ZNF407: variants seen among roughly 807,000 people sequenced by gnomAD.
ZNF407 encodes zinc finger protein 407.
In ZNF407, 17 loss-of-function variants were observed where a neutral mutation model predicts 131.2. That is an observed-to-expected ratio of 0.13 (90% confidence interval 0.09 to 0.19). The LOEUF is 0.19. Ranked by LOEUF, ZNF407 falls within the 10% of genes least tolerant of loss-of-function variation. The pLI, the probability that ZNF407 is intolerant of heterozygous loss-of-function variation, is 1.00. For synonymous variants in ZNF407, 1,156 were observed against 1,062.0 expected (o/e 1.09, Z -1.72); for missense variants, 2,681 against 2,830.6 (o/e 0.95, Z 1.20).
At position 74,634,966 on chromosome 18, in the gene ZNF407, C is replaced by T; in HGVS notation, c.3947C>T (p.Thr1316Ile). 6.2e-7 allele frequency: 1 copy of T among 1,613,926 alleles called. No homozygotes were observed. Among genetic ancestry groups the T allele is most frequent in the African/African-American group, 1.3e-5 (1 of 75,028 alleles). The change falls in exon 2 of 9, where the codon ACA becomes ATA. Residue 1316 changes from threonine to isoleucine, a missense_variant. Physicochemically the swap from Thr to Ile is moderately conservative, Grantham distance 89. Around this residue, in one of 6 missense-constraint regions of ZNF407, gnomAD observed 1,789 missense variants for 1,748.7 expected, o/e 1.02. Transcript: ENST00000299687. ...ATTCTGATGAATTCACAACATGAAACAGAATTTATTTTGGAGGAGGATGGC... is the reference window on the plus strand; with the variant it reads ...ATTCTGATGAATTCACAACATGAAATAGAATTTATTTTGGAGGAGGATGGC... Reference protein sequence around the residue: ...KEILMNSQHETEFILEEDGPA... With the variant: ...KEILMNSQHEIEFILEEDGPA...
rs986088922 is a variant in ZNF407 at position 74,645,880 on chromosome 18, C to T, written c.4802+4758C>T. 2.0e-5 allele frequency among the ~76,000 whole-genome samples: 3 copies of T among 152,242 alleles called. No individual in the cohort carries two copies. In the East Asian group the frequency reaches 5.8e-4, roughly 29 times the overall value. On this transcript the variant is annotated intron_variant, in intron 3 of 8. Coordinates refer to ENST00000299687, the MANE Select transcript of ZNF407 (RefSeq NM_017757.3). ...AACAACACAGTTAGTATTTGAGTTA[C>T]ACTTAATCATTACGTGCATTAGCAA...
Position 74,675,835 on chromosome 18 carries a change from C to G in ZNF407, c.4802+34713C>G, listed in dbSNP as rs114161615. Among the ~76,000 whole-genome samples, 1,203 of 152,292 alleles carry G rather than the reference C, an allele frequency of 7.9e-3. 16 individuals are homozygous for G. Among genetic ancestry groups the G allele is most frequent in the African/African-American group, 0.027 (1,138 of 41,542 alleles). On this transcript the variant is annotated intron_variant, in intron 3 of 8. Transcript: ENST00000299687. ...ATCCCACTCATTTCCCTCCCAGTGA[C>G]TACACCATTGTTATCAAGCATTTAA...
At chr18:74,905,362 A>G (rs1971581758) in intron 7 of ZNF407, 1 of 152,246 alleles carries the variant, frequency 6.6e-6, no homozygotes, top group Admixed American at 6.5e-5. Context: ...CTAGATGTGC[A>G]CAGGTTTCCT....
intron 8 of ZNF407, among the ~76,000 whole-genome samples, chr18:75,044,341 T>TAA (rs576478773): frequency 6.8e-6 from 1 of 147,382 alleles, no homozygotes; most frequent in Middle Eastern, 3.2e-3. Flanking sequence ...TCTTTTTTTT[T>TAA]AAAAAAAAAA....
At chr18:74,684,777 A>G (rs1208189851) in intron 3 of ZNF407, among the ~76,000 whole-genome samples, 2 of 152,198 alleles carry the variant, frequency 1.3e-5, no homozygotes, top group Non-Finnish European at 2.9e-5. Flanking sequence ...GTGAGTTCGA[A>G]CTTTAGTTAT....
At chr18:74,751,381 A>G (rs542535942) in intron 3 of ZNF407, among the ~76,000 whole-genome samples, 62 of 152,006 alleles carry the variant, frequency 4.1e-4, no homozygotes, top group East Asian at 1.9e-4. Context: ...AAATTTATTT[A>G]TTTTATTATA....
intron 4 of ZNF407, among the ~76,000 whole-genome samples, chr18:74,833,456 G>T (rs754884566): frequency 2.0e-5 from 3 of 152,198 alleles, no homozygotes; most frequent in African/African-American, 2.4e-5. Flanking sequence ...CCTCAGTGAG[G>T]CTCCAGCCTT....
intron 1 of ZNF407, among the ~76,000 whole-genome samples, chr18:74,618,487 A>G (rs1041973749): frequency 6.6e-6 from 1 of 152,168 alleles, no homozygotes; most frequent in African/African-American, 2.4e-5. Context: ...GACTGTTAAA[A>G]CAAGTCACCT....
At chr18:74,599,215 A>G (rs1041771452) in intron 1 of ZNF407, among the ~76,000 whole-genome samples, 1 of 152,232 alleles carries the variant, frequency 6.6e-6, no homozygotes, top group African/African-American at 2.4e-5. Flanking sequence ...TGCTATATAC[A>G]AAATTACTGC....
At chr18:74,717,537 T>C (rs1468038262) in intron 3 of ZNF407, among the ~76,000 whole-genome samples, 1 of 152,212 alleles carries the variant, frequency 6.6e-6, no homozygotes, top group Non-Finnish European at 1.5e-5. Flanking sequence ...GAGATCAGTT[T>C]CTTTCGATAG....
At chr18:75,009,442 T>C (rs781714751) in intron 8 of ZNF407, among the ~76,000 whole-genome samples, 16 of 152,214 alleles carry the variant, frequency 1.1e-4, no homozygotes, top group Non-Finnish European at 2.4e-4. Flanking sequence ...CTTCAAATAT[T>C]GGTGCCTCAG....
In ZNF407 at chr18:75,018,388, T is replaced by TA. The variant is rs1876479126; in HGVS notation, c.5429-44758dup. Among the ~76,000 whole-genome samples the TA allele has an allele frequency of 2.0e-5, 3 of 152,124 alleles. No individual in the cohort carries two copies. In the South Asian group the frequency reaches 6.2e-4, roughly 32 times the overall value. On this transcript the variant is annotated intron_variant, in intron 8 of 8. Coordinates refer to ENST00000299687, the MANE Select transcript of ZNF407 (RefSeq NM_017757.3). ...AAATTAAAAACTAAAAAATTAATGA[T>TA]AAAATATGTCATATTAGAACTGATT...
chr18:75,002,755 A>G (rs1271616097), intron 8 of ZNF407, among the ~76,000 whole-genome samples: 1 of 149,762 alleles, frequency 6.7e-6, no homozygotes, highest in Admixed American at 6.7e-5. Flanking sequence ...CAGCGAGCCG[A>G]GATCGCGCCA....
At chr18:75,019,573 G>T (rs1973083038) in intron 8 of ZNF407, among the ~76,000 whole-genome samples, 1 of 152,130 alleles carries the variant, frequency 6.6e-6, no homozygotes, top group South Asian at 2.1e-4. Flanking sequence ...TTCCCACTCA[G>T]GGTGCGAATC....
intron 8 of ZNF407, among the ~76,000 whole-genome samples, chr18:75,030,455 A>G (rs1356433477): frequency 6.6e-6 from 1 of 152,260 alleles, no homozygotes; most frequent in Non-Finnish European, 1.5e-5. Flanking sequence ...GAATTGTTGG[A>G]GAAATGAATT....
At chr18:74,606,222 G>T (rs959951069) in intron 1 of ZNF407, among the ~76,000 whole-genome samples, 1 of 151,946 alleles carries the variant, frequency 6.6e-6, no homozygotes, top group African/African-American at 2.4e-5. Flanking sequence ...AATAAAATTT[G>T]GAAATCTGCT....
intron 3 of ZNF407, among the ~76,000 whole-genome samples, chr18:74,684,149 A>G (rs1967045518): frequency 1.3e-5 from 2 of 152,176 alleles, no homozygotes; most frequent in African/African-American, 2.4e-5. Flanking sequence ...GTTGAGCTCC[A>G]CAGATTAACA....
chr18:74,884,077 A>G (rs1287615250), intron 6 of ZNF407, among the ~76,000 whole-genome samples: 1 of 152,230 alleles, frequency 6.6e-6, no homozygotes, highest in Non-Finnish European at 1.5e-5. Flanking sequence ...ACTTTTGCCA[A>G]TATGCACCAA....
In ZNF407 at chr18:74,633,688, C is replaced by T; in HGVS notation, c.2669C>T (p.Thr890Ile). ...LCKVCKYYTV[T>I]KGDMERHCAT... ...AAAGTGTGTAAGTATTACACTGTAA[C>T]TAAGGGAGATATGGAACGTCATTGT... The change falls in exon 2 of 9, where the codon ACT becomes ATT. Residue 890 changes from threonine (T) to isoleucine (I), a missense_variant. Thr to Ile is a moderately conservative substitution (Grantham distance 89). Around this residue, in one of 6 missense-constraint regions of ZNF407, gnomAD observed 1,789 missense variants for 1,748.7 expected, o/e 1.02. Transcript: ENST00000299687. 6.2e-7 allele frequency: 1 copy of T among 1,613,804 alleles called. No individual in the cohort carries two copies. Among genetic ancestry groups the T allele is most frequent in the Non-Finnish European group, 8.5e-7 (1 of 1,179,842 alleles).
Sources: gnomAD v4.1 joint callset for allele counts (sites outside exome capture counted in the v4.1 genomes callset) on GRCh38, gnomAD v4.1.1 for gene constraint, gnomAD v4.1.1 regional missense constraint, MANE v1.5 for transcripts, NCBI Gene and HGNC (gene_info 2026-07-23, HGNC 2026-07-21) for gene names.